Variants in PCSK6 observed in about 807,000 individuals in gnomAD.
PCSK6 encodes the protein paired basic amino acid cleaving enzyme 4.
PCSK6 carries 85 observed loss-of-function variants against 123.3 expected under a neutral mutation model. The ratio of observed to expected loss-of-function variants is 0.69; its 90% confidence interval spans 0.58 to 0.83. The LOEUF is 0.83. PCSK6 is among the 40% of genes least tolerant of loss of function. PCSK6 has a pLI of 0.00. For missense variants in PCSK6, 1,191 were observed against 1,282.3 expected (o/e 0.93, Z 1.09); for synonymous variants, 508 against 516.0 (o/e 0.98, Z 0.21).
intron 9 of PCSK6, among the ~76,000 whole-genome samples, chr15:101,385,087 G>A (rs573182339): frequency 6.6e-6 from 1 of 152,180 alleles, no homozygotes; most frequent in African/African-American, 2.4e-5. Context: ...TGTGATCTTG[G>A]CTCACTGCAA....
chr15:101,385,880 A>G (rs1227560469), intron 9 of PCSK6, among the ~76,000 whole-genome samples: 2 of 152,244 alleles, frequency 1.3e-5, no homozygotes, highest in Non-Finnish European at 2.9e-5. Context: ...ACAGATAAAT[A>G]TTTATAGATC....
chr15:101,362,889 C>T (rs1301430741), intron 13 of PCSK6, among the ~76,000 whole-genome samples: 1 of 152,196 alleles, frequency 6.6e-6, no homozygotes. Context: ...TTTGTTAGAA[C>T]CATAGACCCT....
chr15:101,377,364 G>A (rs1037596712), intron 11 of PCSK6, among the ~76,000 whole-genome samples: 18 of 152,140 alleles, frequency 1.2e-4, no homozygotes, highest in African/African-American at 3.6e-4. Flanking sequence ...GCTCAGTACC[G>A]CCTGAGCTCC....
intron 12 of PCSK6, 101 bp from the exon 13 acceptor site, chr15:101,366,433 G>A: frequency 8.0e-7 from 1 of 1,257,114 alleles, no homozygotes; most frequent in African/African-American, 1.5e-5. Context: ...GTATGACCTG[G>A]CTGGACCGTA....
intron 20 of PCSK6, 74 bp downstream of exon 20, chr15:101,313,302 C>T: frequency 6.2e-7 from 1 of 1,610,446 alleles, no homozygotes; most frequent in Non-Finnish European, 8.5e-7. Flanking sequence ...GGGGAAGATG[C>T]TGCCAGACTC....
intron 13 of PCSK6, among the ~76,000 whole-genome samples, chr15:101,354,219 G>C (rs532094936): frequency 6.6e-6 from 1 of 152,022 alleles, no homozygotes; most frequent in African/African-American, 2.4e-5. Context: ...ACATGTACAA[G>C]TATACACATA....
intron 6 of PCSK6, among the ~76,000 whole-genome samples, chr15:101,416,240 G>A (rs898950409): frequency 1.3e-5 from 2 of 152,228 alleles, no homozygotes; most frequent in African/African-American, 4.8e-5. Context: ...GAGCAAAGGT[G>A]ACTCTTGTTA....
At chr15:101,405,320 G>A (rs148247987) in intron 6 of PCSK6, among the ~76,000 whole-genome samples, 39 of 152,296 alleles carry the variant, frequency 2.6e-4, no homozygotes, top group Middle Eastern at 3.4e-3. Context: ...GCTTGCTAAC[G>A]GACTGCTTTT....
At chr15:101,386,950 C>T (rs2042082448) in intron 9 of PCSK6, among the ~76,000 whole-genome samples, 1 of 152,310 alleles carries the variant, frequency 6.6e-6, no homozygotes, top group African/African-American at 2.4e-5. Context: ...CACCCTCGGC[C>T]CCCTCTTTGC....
intron 1 of PCSK6, among the ~76,000 whole-genome samples, chr15:101,486,787 C>T (rs1450981635): frequency 6.6e-6 from 1 of 152,090 alleles, no homozygotes; most frequent in Admixed American, 6.5e-5. Flanking sequence ...CAGCGACTAT[C>T]TGGGAGAAAA....
chr15:101,351,969 C>T (rs1018996588), intron 13 of PCSK6, among the ~76,000 whole-genome samples: 90 of 152,068 alleles, frequency 5.9e-4, no homozygotes, highest in African/African-American at 2.0e-3. Flanking sequence ...GGCTGTTTTA[C>T]ACTATAATGG....
intron 16 of PCSK6, among the ~76,000 whole-genome samples, chr15:101,325,601 A>C (rs73489226): frequency 6.6e-6 from 1 of 152,214 alleles, no homozygotes; most frequent in Non-Finnish European, 1.5e-5. Flanking sequence ...GTGTCCTGTC[A>C]TCGTGGCCTC....
rs962432562 is a variant in PCSK6, at chr15:101,405,893, C to A, written c.824-7317G>T. On this transcript the variant is annotated intron_variant, in intron 6 of 21. Coordinates refer to ENST00000611716, the MANE Select transcript of PCSK6 (RefSeq NM_002570.5). Reference sequence around the variant, plus strand: ...GAGTAGCTGGGATTACAGGCACACACCACCACGCCTGGCTAATTTTTATAT... The same window carrying A: ...GAGTAGCTGGGATTACAGGCACACAACACCACGCCTGGCTAATTTTTATAT... Among the ~76,000 whole-genome samples, 6 of 152,174 alleles carry A rather than the reference C, an allele frequency of 3.9e-5. 1 individual carries two copies. The highest frequency in any genetic ancestry group is 1.5e-5 in the Non-Finnish European group (1 of 68,042).
chr15:101,462,971 C>T, intron 1 of PCSK6: 3 of 454,920 alleles, frequency 6.6e-6, no homozygotes, highest in South Asian at 3.1e-5. Flanking sequence ...CCTGGGAAGG[C>T]TTTGTGCAGA....
intron 15 of PCSK6, among the ~76,000 whole-genome samples, chr15:101,328,459 G>A (rs558173862): frequency 8.5e-5 from 13 of 152,244 alleles, no homozygotes; most frequent in South Asian, 8.3e-4. Context: ...TTTGCTGAGC[G>A]GATGAGAGGA....
At chr15:101,306,464 C>T (rs746233444) in intron 21 of PCSK6, among the ~76,000 whole-genome samples, 76 of 152,172 alleles carry the variant, frequency 5.0e-4, no homozygotes, top group Non-Finnish European at 9.8e-4. Context: ...GGACCACCTG[C>T]CCTGACCCTG....
chr15:101,361,606 G>T (rs1294240858), intron 13 of PCSK6, among the ~76,000 whole-genome samples: 1 of 152,210 alleles, frequency 6.6e-6, no homozygotes, highest in East Asian at 1.9e-4. Context: ...GGTCAATGAT[G>T]AGGCGCAGGA....
chr15:101,489,684 T>G lies in PCSK6; in HGVS notation c.-14A>C. The G allele has an allele frequency of 1.0e-6, 1 of 968,760 alleles. No individual in the cohort carries two copies. The highest frequency in any genetic ancestry group is 1.2e-6 in the Non-Finnish European group (1 of 820,152). The allele number at this position is 968,760 out of a possible 1,614,324, so 60.0% of individuals were successfully genotyped here. ...GCGCGGAGGCATAGCGGCGACAGGC[T>G]CGCGCGGCGCCCGAGCTGCGAGTGC... is the stretch of plus-strand genomic sequence containing the variant. On this transcript the variant is annotated 5_prime_UTR_variant, in exon 1 of 22. Transcript: ENST00000611716.
intron 7 of PCSK6, among the ~76,000 whole-genome samples, chr15:101,394,198 C>T (rs999458429): frequency 1.4e-5 from 2 of 144,288 alleles, no homozygotes; most frequent in African/African-American, 5.2e-5. Flanking sequence ...TGGTCTGGAA[C>T]TCCCGGGCTC....
Sources: allele counts gnomAD v4.1 joint callset (sites outside exome capture counted in the v4.1 genomes callset), GRCh38; gene constraint gnomAD v4.1.1; transcripts MANE v1.5; gene names NCBI Gene and HGNC (gene_info 2026-07-23, HGNC 2026-07-21).